Variants in MEF2A observed in about 807,000 individuals in gnomAD.
The protein encoded by MEF2A is myocyte enhancer factor 2A.
A neutral mutation model predicts 55.8 loss-of-function variants in MEF2A; 28 were observed. That is an observed-to-expected ratio of 0.50 (90% CI 0.37 to 0.69). The LOEUF (loss-of-function observed/expected upper bound fraction) is 0.69. Ranked by LOEUF, MEF2A falls within the 30% of genes least tolerant of loss-of-function variation. The pLI is 0.00. For missense variants in MEF2A, 528 were observed against 626.2 expected, an observed-to-expected ratio of 0.84 and a Z score of 1.67; for synonymous variants, 239 against 227.1, an observed-to-expected ratio of 1.05 and a Z score of -0.47.
chr15:99,581,093 CTCTATAAAT>C (rs1056916126), intron 1 of MEF2A, among the ~76,000 whole-genome samples: 10 of 151,844 alleles, frequency 6.6e-5, no homozygotes, highest in African/African-American at 2.2e-4. Flanking sequence ...CTTGGTTTTC[CTCTATAAAT>C]TAGTTGCTTA....
intron 1 of MEF2A, among the ~76,000 whole-genome samples, chr15:99,571,704 A>G (rs1962372367): frequency 8.8e-6 from 1 of 113,370 alleles, no homozygotes; most frequent in South Asian, 3.5e-4. Context: ...TGTGGGTAAA[A>G]TATAGCTATT....
intron 1 of MEF2A, among the ~76,000 whole-genome samples, 185 bp from the exon 2 acceptor site, chr15:99,598,245 T>C (rs1298279073): frequency 6.6e-6 from 1 of 152,226 alleles, no homozygotes; most frequent in African/African-American, 2.4e-5. Context: ...GTAGAGATAC[T>C]CAGTTGGCTG....
At chr15:99,609,047 A>T (rs944347721) in intron 2 of MEF2A, among the ~76,000 whole-genome samples, 1 of 152,142 alleles carries the variant, frequency 6.6e-6, no homozygotes, top group Non-Finnish European at 1.5e-5. Context: ...GCAAAGTTGG[A>T]AAAGGCCCCT....
chr15:99,656,812 T>C (rs1477516954), intron 4 of MEF2A, among the ~76,000 whole-genome samples: 2 of 152,112 alleles, frequency 1.3e-5, no homozygotes, highest in African/African-American at 4.8e-5. Flanking sequence ...GAGATATAAT[T>C]CGTATACCAT....
chr15:99,568,811 A>C (rs1328164630), intron 1 of MEF2A, among the ~76,000 whole-genome samples: 1 of 152,206 alleles, frequency 6.6e-6, no homozygotes, highest in East Asian at 1.9e-4. Context: ...CTGTGTTGTC[A>C]TCAGACCATA....
chr15:99,584,910 A>C (rs930169291), intron 1 of MEF2A, among the ~76,000 whole-genome samples: 3 of 152,104 alleles, frequency 2.0e-5, no homozygotes, highest in African/African-American at 7.2e-5. Context: ...CTGTTTGAAC[A>C]GATGTTTTGG....
intron 7 of MEF2A, 34 bp from the exon 8 acceptor site, chr15:99,690,207 T>G: frequency 6.3e-7 from 1 of 1,593,542 alleles, no homozygotes; most frequent in Non-Finnish European, 8.6e-7. Flanking sequence ...TTAATAACTC[T>G]TCTCACTTTA....
At chr15:99,627,445 A>AG (rs2042228283) in intron 2 of MEF2A, among the ~76,000 whole-genome samples, 1 of 150,764 alleles carries the variant, frequency 6.6e-6, no homozygotes, top group African/African-American at 2.4e-5. Flanking sequence ...AAAAAAAAAA[A>AG]AAAAAGACTT....
intron 4 of MEF2A, among the ~76,000 whole-genome samples, chr15:99,667,346 G>C (rs1433584463): frequency 6.6e-6 from 1 of 151,912 alleles, no homozygotes; most frequent in Non-Finnish European, 1.5e-5. Context: ...TCAGCCTCCC[G>C]AGTAGCTGGG....
At chr15:99,574,415 A>G (rs1017832080) in intron 1 of MEF2A, among the ~76,000 whole-genome samples, 9 of 152,120 alleles carry the variant, frequency 5.9e-5, no homozygotes, top group African/African-American at 1.9e-4. Context: ...TTCCATTATT[A>G]TTACATTGTA....
intron 2 of MEF2A, among the ~76,000 whole-genome samples, chr15:99,626,565 A>G (rs574793867): frequency 2.6e-5 from 4 of 152,076 alleles, no homozygotes; most frequent in African/African-American, 9.6e-5. Flanking sequence ...ATGGCTTTAT[A>G]TAGTATGTGT....
At chr15:99,570,816 A>T (rs899864921) in intron 1 of MEF2A, among the ~76,000 whole-genome samples, 3 of 152,158 alleles carry the variant, frequency 2.0e-5, no homozygotes, top group Admixed American at 6.5e-5. Flanking sequence ...AAAGAAAAAA[A>T]AAAAAACAAC....
At chr15:99,652,180 C>T (rs943424475) in intron 4 of MEF2A, among the ~76,000 whole-genome samples, 3 of 152,054 alleles carry the variant, frequency 2.0e-5, no homozygotes, top group Admixed American at 2.0e-4. Context: ...CTTGTTGGCA[C>T]CAGGGATGGG....
At chr15:99,630,621 A>G (rs2042800218) in intron 2 of MEF2A, among the ~76,000 whole-genome samples, 2 of 152,234 alleles carry the variant, frequency 1.3e-5, no homozygotes, top group Admixed American at 1.3e-4. Flanking sequence ...TGAAACGTGA[A>G]AAAATGTGAA....
intron 4 of MEF2A, among the ~76,000 whole-genome samples, chr15:99,662,106 A>T (rs1482578463): frequency 6.6e-6 from 1 of 152,222 alleles, no homozygotes; most frequent in East Asian, 1.9e-4. Context: ...GTAAATGTAT[A>T]AAGAAAATCC....
chr15:99,694,964 A>C (rs1191403224), intron 8 of MEF2A, among the ~76,000 whole-genome samples: 1 of 131,594 alleles, frequency 7.6e-6, no homozygotes. Context: ...TCCCTTTGAT[A>C]TATCCTTATT....
rs2057669461 is a variant in MEF2A at position 99,703,478 on chromosome 15, T to C, written c.882+93T>C. 5.3e-6 allele frequency: 7 copies of C among 1,317,040 alleles called. No individual in the cohort carries two copies. In the Admixed American group the frequency reaches 1.3e-4, roughly 24 times the overall value. 81.6% of individuals were successfully genotyped at this position (1,317,040 alleles called of 1,614,324 possible). Reference sequence around the variant, plus strand: ...GTTATCTAACCAATGTTCCCTTTGTTACACAAATTTTTTTAAACACTATTC... The same window carrying C: ...GTTATCTAACCAATGTTCCCTTTGTCACACAAATTTTTTTAAACACTATTC... On this transcript the variant is annotated intron_variant, in intron 9 of 11. Coordinates refer to ENST00000557942, the MANE Select transcript of MEF2A (RefSeq NM_001319206.4).
chr15:99,632,379 C>A (rs1199764221), intron 2 of MEF2A, among the ~76,000 whole-genome samples: 1 of 152,136 alleles, frequency 6.6e-6, no homozygotes, highest in East Asian at 1.9e-4. Flanking sequence ...AGTGATTTGG[C>A]TGGAGGCTAG....
At chr15:99,618,583 T>C (rs961178499) in intron 2 of MEF2A, among the ~76,000 whole-genome samples, 24 of 152,292 alleles carry the variant, frequency 1.6e-4, no homozygotes, top group East Asian at 3.9e-4. Context: ...ATTTCGACTT[T>C]AAATATTGAG....
Sources: allele counts gnomAD v4.1 joint callset (sites outside exome capture counted in the v4.1 genomes callset), GRCh38; gene constraint gnomAD v4.1.1; transcripts MANE v1.5; gene names NCBI Gene and HGNC (gene_info 2026-07-23, HGNC 2026-07-21).